STARD9: variants seen among roughly 807,000 people sequenced by gnomAD.
STARD9 encodes stAR-related lipid transfer protein 9.
Under a neutral mutation model 399.8 loss-of-function variants are expected in STARD9, and 346 were observed. That is an observed-to-expected ratio of 0.87 (90% confidence interval 0.79 to 0.95). The LOEUF (loss-of-function observed/expected upper bound fraction) is 0.95, where lower values mean the gene tolerates loss of function less well. Ranked by LOEUF, STARD9 falls within the 40% of genes least tolerant of loss-of-function variation. The pLI is 0.00. For missense variants in STARD9, 5,832 were observed against 5,667.5 expected (o/e 1.03, Z -0.93); for synonymous variants, 2,203 against 2,143.5 (o/e 1.03, Z -0.77).
At chr15:42,627,424 A>G (rs2059248081) in intron 3 of STARD9, among the ~76,000 whole-genome samples, 1 of 152,182 alleles carries the variant, frequency 6.6e-6, no homozygotes, top group African/African-American at 2.4e-5. Flanking sequence ...CACCTCAAGC[A>G]TTTATCCTTT....
At chr15:42,718,273 C>A in intron 30 of STARD9, 94 bp downstream of exon 30, 1 of 1,337,962 alleles carries the variant, frequency 7.5e-7, no homozygotes, top group South Asian at 1.3e-5. Flanking sequence ...TTGGAGGCAG[C>A]CCTCTTTGGA....
intron 1 of STARD9, among the ~76,000 whole-genome samples, chr15:42,576,159 T>C (rs12911561): frequency 0.99 from 150,989 of 152,290 alleles, 74,865 homozygotes; most frequent in East Asian, 1. Context: ...GGTGTGTGTT[T>C]CTGGGTGCGC....
Position 42,686,765 on chromosome 15 carries a change from T to C in STARD9, c.5187T>C (p.Ser1729=). Residue 1729 remains serine, a synonymous_variant, in exon 23 of 33, where the codon TCT becomes TCC. Transcript: ENST00000290607. ...CAGGTCCAGAGCTATACCTTCACTC[T>C]GCTCCCTGGAATCCATTGTCATCTT... ...LPSGPELYLH[S]APWNPLSSSL... 5.9e-6 allele frequency: 9 copies of C among 1,537,472 alleles called. No individual in the cohort carries two copies. Among genetic ancestry groups the C allele is most frequent in the Non-Finnish European group, 7.8e-6 (9 of 1,146,968 alleles).
At chr15:42,639,047 A>G (rs1019864135) in intron 7 of STARD9, among the ~76,000 whole-genome samples, 4 of 152,378 alleles carry the variant, frequency 2.6e-5, no homozygotes, top group South Asian at 2.1e-4. Context: ...ATAAAGGTTA[A>G]TAAATAAATG....
In STARD9 at chr15:42,716,659, G is replaced by T. The variant is rs778465103; in HGVS notation, c.13285-18G>T. ...TGCTTGCCTTCTGGCTCTGTCCTGAGTATCCTCTCTTCTGCAGGGGCATAC... is the reference window on the plus strand; with the variant it reads ...TGCTTGCCTTCTGGCTCTGTCCTGATTATCCTCTCTTCTGCAGGGGCATAC... On this transcript the variant is annotated intron_variant, in intron 26 of 32. Transcript: ENST00000290607. The T allele has an allele frequency of 3.5e-5, 52 of 1,491,874 alleles. No homozygotes were observed. Among genetic ancestry groups the T allele is most frequent in the Middle Eastern group, 3.4e-4 (2 of 5,914 alleles). The allele number at this position is 1,491,874 out of a possible 1,614,324, so 92.4% of individuals were successfully genotyped here. A position where few individuals can be genotyped will look rare whatever the true frequency, so the allele number is the denominator to read the frequency against.
rs1049893502 is a variant in STARD9 at position 42,685,380 on chromosome 15, G to T, written c.3802G>T (p.Val1268Phe). ...CAGAACAGCAGCTAGGCTGGATGCC[G>T]TCCTGCCAATGAGCAGTTCGTTTTA... The part of the protein sequence containing the change: ...NYRTAARLDA[V>F]LPMSSSFYLD... The change falls in exon 23 of 33, where the codon GTC becomes TTC. Residue 1268 changes from valine (V) to phenylalanine (F), a missense_variant. Physicochemically the swap from Val to Phe is conservative, Grantham distance 50 (BLOSUM62 -1). Coordinates refer to ENST00000290607, the MANE Select transcript of STARD9 (RefSeq NM_020759.3). The T allele has an allele frequency of 6.5e-7, 1 of 1,536,960 alleles. No individual in the cohort carries two copies. The highest frequency in any genetic ancestry group is 8.7e-7 in the Non-Finnish European group (1 of 1,146,908).
chr15:42,591,410 C>T (rs1374748131), intron 3 of STARD9, among the ~76,000 whole-genome samples: 1 of 151,976 alleles, frequency 6.6e-6, no homozygotes, highest in African/African-American at 2.4e-5. Context: ...ATTGCTTTAA[C>T]CCGGGAAGCG....
intron 7 of STARD9, among the ~76,000 whole-genome samples, chr15:42,647,707 T>G (rs77880860): frequency 0.02 from 3,039 of 152,308 alleles, 210 homozygotes; most frequent in East Asian, 0.14. Flanking sequence ...TTTAATTTGG[T>G]ATTGTGGTCT....
At chr15:42,681,761 G>A (rs2060433498) in intron 21 of STARD9, 149 bp downstream of exon 21, 2 of 765,418 alleles carry the variant, frequency 2.6e-6, no homozygotes, top group South Asian at 2.0e-5. Flanking sequence ...AGACACCAGA[G>A]ATTCTTATAA....
At chr15:42,674,319 G>A (rs2060264429) in intron 16 of STARD9, 121 bp from the exon 17 acceptor site, 1 of 799,490 alleles carries the variant, frequency 1.3e-6, no homozygotes, top group African/African-American at 1.7e-5. Flanking sequence ...GGCTGGGATG[G>A]GATGAGAAGT....
At chr15:42,713,151 C>A (rs2061281860) in intron 26 of STARD9, among the ~76,000 whole-genome samples, 1 of 152,074 alleles carries the variant, frequency 6.6e-6, no homozygotes, top group African/African-American at 2.4e-5. Flanking sequence ...AAGTTTTATG[C>A]TTATTTTATT....
intron 6 of STARD9, 137 bp from the exon 7 acceptor site, chr15:42,638,563 A>G: frequency 3.5e-6 from 2 of 572,118 alleles, no homozygotes; most frequent in South Asian, 4.6e-5. Context: ...ATCAAGGGGG[A>G]ACCTTGGCTT....
At chr15:42,620,756 T>C (rs2059075957) in intron 3 of STARD9, among the ~76,000 whole-genome samples, 1 of 150,558 alleles carries the variant, frequency 6.6e-6, no homozygotes, top group Non-Finnish European at 1.5e-5. Flanking sequence ...TATTTTATTT[T>C]ATTTTATTTT....
At chr15:42,646,039 T>C (rs1216847645) in intron 7 of STARD9, among the ~76,000 whole-genome samples, 1 of 152,056 alleles carries the variant, frequency 6.6e-6, no homozygotes, top group South Asian at 2.1e-4. Flanking sequence ...CTGGTGCCTG[T>C]AATTCCAGCT....
chr15:42,694,460 G>T, intron 23 of STARD9, 68 bp from the exon 24 acceptor site: 4 of 1,521,978 alleles, frequency 2.6e-6, no homozygotes, highest in Non-Finnish European at 1.8e-6. Context: ...GATCTTCCAG[G>T]GGTCAGAGAT....
chr15:42,644,456 G>A (rs2059606794), intron 7 of STARD9, among the ~76,000 whole-genome samples: 1 of 151,662 alleles, frequency 6.6e-6, no homozygotes, highest in South Asian at 2.1e-4. Flanking sequence ...TCACGCCACT[G>A]CACTCCAGCC....
chr15:42,636,265 C>T (rs112377990), intron 4 of STARD9, among the ~76,000 whole-genome samples: 4,641 of 152,212 alleles, frequency 0.03, 224 homozygotes, highest in African/African-American at 0.095. Flanking sequence ...TGCCACTGTA[C>T]TCCACCCTGG....
chr15:42,715,405 C>T (rs1342769568), intron 26 of STARD9, among the ~76,000 whole-genome samples: 1 of 152,124 alleles, frequency 6.6e-6, no homozygotes, highest in Non-Finnish European at 1.5e-5. Context: ...AGAAGCCGGG[C>T]ACAGGGGCTC....
chr15:42,682,181 A>T lies in STARD9; in HGVS notation c.2143A>T (p.Lys715Ter), dbSNP rs1206187809. 4 of 1,537,244 alleles carry T rather than the reference A, an allele frequency of 2.6e-6. No individual in the cohort carries two copies. The Admixed American group carries it at 7.8e-5, about 30-fold the overall frequency. ...QQQQEDQVAEKELEASVALDA... is the reference protein window; with the variant it reads ...QQQQEDQVAE ...GCAGCAAGAAGACCAGGTAGCAGAGAAAGAACTTGAGGCATCTGTGGCACT... is the reference window on the plus strand; with the variant it reads ...GCAGCAAGAAGACCAGGTAGCAGAGTAAGAACTTGAGGCATCTGTGGCACT... Residue 715 changes from lysine (K) to a stop codon, truncating the protein, a stop_gained, in exon 22 of 33, where the codon AAA becomes TAA. Transcript: ENST00000290607. LOFTEE classifies it high-confidence loss of function.
Sources: allele counts gnomAD v4.1 joint callset (sites outside exome capture counted in the v4.1 genomes callset), GRCh38; gene constraint gnomAD v4.1.1; transcripts MANE v1.5; gene names NCBI Gene and HGNC (gene_info 2026-07-23, HGNC 2026-07-21).